Variants in LRBA observed in about 807,000 individuals in gnomAD.
The protein encoded by LRBA is LPS responsive beige-like anchor protein.
In LRBA, 176 loss-of-function variants were observed where a neutral mutation model predicts 330.0. That is an observed-to-expected ratio of 0.53 (90% CI 0.47 to 0.60). The LOEUF (loss-of-function observed/expected upper bound fraction) is 0.60. Ranked by LOEUF, LRBA falls within the 20% of genes least tolerant of loss-of-function variation. The probability of loss-of-function intolerance (pLI) is 0.00; values close to 1 mark genes in which losing one functional copy is unlikely to be tolerated. For missense variants in LRBA, 3,259 were observed against 3,444.8 expected (o/e 0.95, Z 1.35); for synonymous variants, 1,230 against 1,193.0 (o/e 1.03, Z -0.64).
chr4:150,484,336 T>A (rs79281211), intron 42 of LRBA, among the ~76,000 whole-genome samples: 19,472 of 151,992 alleles, frequency 0.13, 1,432 homozygotes, highest in Middle Eastern at 0.18. Context: ...CAATTCAATT[T>A]CCTTTGTAGA....
At chr4:150,876,766 C>T (rs746785209) in intron 17 of LRBA, among the ~76,000 whole-genome samples, 3 of 152,118 alleles carry the variant, frequency 2.0e-5, no homozygotes, top group Non-Finnish European at 2.9e-5. Context: ...AATACATGTA[C>T]GTAGCTTGCA....
intron 16 of LRBA, among the ~76,000 whole-genome samples, chr4:150,893,666 TTTTTTTG>T (rs528393147): frequency 1.6e-3 from 239 of 152,014 alleles, no homozygotes; most frequent in Non-Finnish European, 2.4e-3. Flanking sequence ...AATTTCTTTG[TTTTTTTG>T]TTTTTTGTTT....
At chr4:150,646,847 C>T (rs912932475) in intron 37 of LRBA, among the ~76,000 whole-genome samples, 4 of 151,922 alleles carry the variant, frequency 2.6e-5, no homozygotes, top group African/African-American at 4.8e-5. Flanking sequence ...TGGAGCATTT[C>T]GGACTTTTGG....
At chr4:150,835,850 T>A (rs986641034) in intron 28 of LRBA, among the ~76,000 whole-genome samples, 3 of 151,904 alleles carry the variant, frequency 2.0e-5, no homozygotes, top group African/African-American at 7.3e-5. Flanking sequence ...TGAATAAGAG[T>A]GGTGAGAGAG....
At chr4:150,704,875 A>G (rs1048335787) in intron 36 of LRBA, among the ~76,000 whole-genome samples, 1 of 152,176 alleles carries the variant, frequency 6.6e-6, no homozygotes, top group Non-Finnish European at 1.5e-5. Context: ...TTTGCATAAT[A>G]AGAATATGTG....
rs1455899894 is a variant in LRBA, at chr4:150,265,632, T to TTTAAG, written c.*85_*89dup. The TTTAAG allele has an allele frequency of 6.0e-6, 5 of 828,170 alleles. No individual in the cohort carries two copies. The highest frequency in any genetic ancestry group is 2.5e-5 in the East Asian group (1 of 39,850). 51.3% of individuals were successfully genotyped at this position (828,170 alleles called of 1,614,324 possible). Reference sequence around the variant, plus strand: ...AAAATATTTTGCTTCTTTGAGCAAATTTAAGTTACATTCAGATGTGGTAGA... The same window carrying TTTAAG: ...AAAATATTTTGCTTCTTTGAGCAAATTTAAGTTAAGTTACATTCAGATGTGGTAGA... On this transcript the variant is annotated 3_prime_UTR_variant, in exon 57 of 57. Transcript: ENST00000651943.
intron 41 of LRBA, among the ~76,000 whole-genome samples, chr4:150,489,286 A>ATG (rs1561250534): frequency 1.1e-5 from 1 of 90,518 alleles, no homozygotes; most frequent in Non-Finnish European, 2.0e-5. Context: ...TATTATATAT[A>ATG]AGAATATATA....
At chr4:150,988,456 T>C (rs938808048) in intron 2 of LRBA, among the ~76,000 whole-genome samples, 11 of 152,264 alleles carry the variant, frequency 7.2e-5, no homozygotes, top group African/African-American at 2.4e-4. Context: ...GGCCATGATG[T>C]CATTAGTTAA....
chr4:150,292,526 T>C (rs1728449321), intron 53 of LRBA, among the ~76,000 whole-genome samples: 1 of 152,238 alleles, frequency 6.6e-6, no homozygotes, highest in African/African-American at 2.4e-5. Context: ...TTCCTAGTTT[T>C]GTACAACTAA....
At chr4:150,741,175 C>G (rs180985706) in intron 35 of LRBA, among the ~76,000 whole-genome samples, 1 of 152,064 alleles carries the variant, frequency 6.6e-6, no homozygotes, top group South Asian at 2.1e-4. Context: ...TGAACTACAT[C>G]AAAATTTAAA....
chr4:150,869,242 G>T (rs1753131364), intron 20 of LRBA, among the ~76,000 whole-genome samples: 1 of 151,950 alleles, frequency 6.6e-6, no homozygotes, highest in South Asian at 2.1e-4. Context: ...TTTTAAAGGT[G>T]TGAAGATTTT....
chr4:150,971,183 T>C (rs1739544396), intron 2 of LRBA, among the ~76,000 whole-genome samples: 1 of 152,268 alleles, frequency 6.6e-6, no homozygotes, highest in Admixed American at 6.5e-5. Context: ...TGGTTGCTAC[T>C]ACTTTTCTCT....
At chr4:150,996,241 A>T (rs925969701) in intron 2 of LRBA, among the ~76,000 whole-genome samples, 2 of 152,210 alleles carry the variant, frequency 1.3e-5, no homozygotes, top group Non-Finnish European at 2.9e-5. Context: ...AAACTCCCAA[A>T]GATATGCCAA....
chr4:150,438,944 A>G (rs1165658570), intron 44 of LRBA, among the ~76,000 whole-genome samples: 1 of 152,188 alleles, frequency 6.6e-6, no homozygotes, highest in Non-Finnish European at 1.5e-5. Flanking sequence ...AAACTAATTT[A>G]AAATGCTATC....
intron 2 of LRBA, among the ~76,000 whole-genome samples, chr4:151,003,045 CGTGTGTGTGTGT>C (rs35823392): frequency 3.4e-5 from 5 of 147,218 alleles, no homozygotes; most frequent in African/African-American, 1.0e-4. Flanking sequence ...TATGTGTTTG[CGTGTGTGTGTGT>C]GTGTGTGTGT....
At chr4:150,632,251 G>T (rs1777460956) in intron 37 of LRBA, among the ~76,000 whole-genome samples, 1 of 141,692 alleles carries the variant, frequency 7.1e-6, no homozygotes, top group Admixed American at 7.1e-5. Flanking sequence ...AAAAAAAAAA[G>T]TGATGGCTGA....
At chr4:150,925,191 A>G (rs1278725930) in intron 4 of LRBA, among the ~76,000 whole-genome samples, 1 of 151,652 alleles carries the variant, frequency 6.6e-6, no homozygotes, top group African/African-American at 2.4e-5. Context: ...AAAGAAAAAA[A>G]GGTTTTTATG....
chr4:150,361,740 C>G (rs2151843614), intron 47 of LRBA, among the ~76,000 whole-genome samples: 1 of 151,572 alleles, frequency 6.6e-6, no homozygotes, highest in South Asian at 2.1e-4. Flanking sequence ...TCTGGAGCTT[C>G]AAATACAAAA....
intron 36 of LRBA, among the ~76,000 whole-genome samples, chr4:150,714,482 T>C (rs886140823): frequency 8.5e-5 from 13 of 152,100 alleles, no homozygotes; most frequent in African/African-American, 2.9e-4. Context: ...AAACAAATCA[T>C]AACTGAAGTA....
Sources: allele counts gnomAD v4.1 joint callset (sites outside exome capture counted in the v4.1 genomes callset), GRCh38; gene constraint gnomAD v4.1.1; transcripts MANE v1.5; gene names NCBI Gene and HGNC (gene_info 2026-07-23, HGNC 2026-07-21).